SLC25A21: variants seen among roughly 807,000 people sequenced by gnomAD.
SLC25A21 encodes mitochondrial 2-oxodicarboxylate carrier.
In SLC25A21, 47 loss-of-function variants were observed where a neutral mutation model predicts 43.8. That is an observed-to-expected ratio of 1.07 (90% CI 0.85 to 1.37). The LOEUF is 1.37. Ranked by LOEUF, SLC25A21 falls within the 40% of genes most tolerant of loss-of-function variation. The probability of loss-of-function intolerance (pLI) is 0.00; values close to 1 mark genes in which losing one functional copy is unlikely to be tolerated. For synonymous variants in SLC25A21, 131 were observed against 121.3 expected (o/e 1.08, Z -0.52); for missense variants, 352 against 350.2 (o/e 1.00, Z -0.04).
At chr14:36,951,523 G>C (rs534157989) in intron 1 of SLC25A21, among the ~76,000 whole-genome samples, 11 of 152,178 alleles carry the variant, frequency 7.2e-5, no homozygotes, top group African/African-American at 2.6e-4. Context: ...AAAACAAATA[G>C]GGCCTCTCTT....
chr14:36,725,512 T>C, intron 6 of SLC25A21, 58 bp downstream of exon 6: 1 of 600,372 alleles, frequency 1.7e-6, no homozygotes, highest in South Asian at 4.4e-5. Context: ...AATAAATAAA[T>C]AAATAAATAA....
intron 1 of SLC25A21, among the ~76,000 whole-genome samples, chr14:37,052,006 A>AT (rs1961717982): frequency 6.6e-6 from 1 of 152,232 alleles, no homozygotes; most frequent in Non-Finnish European, 1.5e-5. Context: ...TGGAATTGAA[A>AT]TGCAGTGTGA....
chr14:37,109,261 T>C (rs755008160), intron 1 of SLC25A21, among the ~76,000 whole-genome samples: 2 of 152,116 alleles, frequency 1.3e-5, no homozygotes, highest in African/African-American at 2.4e-5. Flanking sequence ...TGCGTGATTC[T>C]ACCTTGCTTT....
chr14:37,033,468 A>G (rs1439648071), intron 1 of SLC25A21, among the ~76,000 whole-genome samples: 2 of 152,246 alleles, frequency 1.3e-5, no homozygotes, highest in Non-Finnish European at 2.9e-5. Context: ...TCAGCTAAGC[A>G]GCAATAATAA....
intron 3 of SLC25A21, among the ~76,000 whole-genome samples, chr14:36,805,347 G>A (rs1888001358): frequency 6.6e-6 from 1 of 152,180 alleles, no homozygotes; most frequent in South Asian, 2.1e-4. Context: ...GGTGATGACA[G>A]CAGGGAGATC....
Position 37,096,140 on chromosome 14 carries a change from T to C in SLC25A21, c.70+76141A>G, listed in dbSNP as rs76572897. Among the ~76,000 whole-genome samples, 2,427 of 152,250 alleles carry C rather than the reference T, an allele frequency of 0.016. 183 individuals carry two copies. In the East Asian group the frequency reaches 0.26, roughly 16 times the overall value. ...ATACCAACTAAATGCTATACATGAC[T>C]CTAGACTATATAACAGGTACAGAGA... On this transcript the variant is annotated intron_variant, in intron 1 of 9. Coordinates refer to ENST00000331299, the MANE Select transcript of SLC25A21 (RefSeq NM_030631.4).
At chr14:36,873,009 A>G (rs551877942) in intron 2 of SLC25A21, among the ~76,000 whole-genome samples, 1 of 152,336 alleles carries the variant, frequency 6.6e-6, no homozygotes, top group South Asian at 2.1e-4. Flanking sequence ...ATGAGTGACC[A>G]TAATTCTAAT....
chr14:37,099,036 C>A (rs1268767926), intron 1 of SLC25A21, among the ~76,000 whole-genome samples: 1 of 152,034 alleles, frequency 6.6e-6, no homozygotes, highest in African/African-American at 2.4e-5. Flanking sequence ...CCCCCGACCT[C>A]AAGTGATCCG....
At chr14:37,062,193 AT>A in intron 1 of SLC25A21, among the ~76,000 whole-genome samples, 1 of 152,232 alleles carries the variant, frequency 6.6e-6, no homozygotes. Flanking sequence ...AGCAAATCCA[AT>A]TGGTATAACT....
chr14:37,064,761 C>T (rs1450052920), intron 1 of SLC25A21, among the ~76,000 whole-genome samples: 1 of 152,154 alleles, frequency 6.6e-6, no homozygotes, highest in Non-Finnish European at 1.5e-5. Context: ...TATTTCACTT[C>T]CAGGTTGACA....
At chr14:37,077,597 T>C (rs1210468391) in intron 1 of SLC25A21, among the ~76,000 whole-genome samples, 2 of 152,142 alleles carry the variant, frequency 1.3e-5, no homozygotes, top group East Asian at 3.9e-4. Flanking sequence ...CTCAAAACAT[T>C]GTATCATTCT....
intron 1 of SLC25A21, among the ~76,000 whole-genome samples, chr14:37,033,757 G>C (rs1325139083): frequency 3.3e-5 from 5 of 152,104 alleles, no homozygotes; most frequent in Admixed American, 1.3e-4. Context: ...AGCTTGACTG[G>C]GAAGAGGGTA....
intron 1 of SLC25A21, among the ~76,000 whole-genome samples, chr14:36,958,946 G>A (rs1959415978): frequency 6.6e-6 from 1 of 152,202 alleles, no homozygotes; most frequent in African/African-American, 2.4e-5. Context: ...TGGTGAGACT[G>A]TGCATATTGA....
chr14:36,968,379 G>A (rs1021875885), intron 1 of SLC25A21, among the ~76,000 whole-genome samples: 9 of 152,020 alleles, frequency 5.9e-5, no homozygotes, highest in South Asian at 2.1e-4. Context: ...TGACAAGCCC[G>A]GCTTATTATT....
intron 1 of SLC25A21, among the ~76,000 whole-genome samples, chr14:37,127,029 T>C (rs1963309105): frequency 2.0e-5 from 3 of 152,162 alleles, no homozygotes; most frequent in Admixed American, 1.3e-4. Flanking sequence ...TACGTGGCTA[T>C]TGCTTGCCCA....
chr14:36,840,435 T>G (rs1445814002), intron 2 of SLC25A21, among the ~76,000 whole-genome samples: 2 of 152,200 alleles, frequency 1.3e-5, no homozygotes, highest in African/African-American at 2.4e-5. Flanking sequence ...GGAATTATCT[T>G]TTATCTACCA....
intron 2 of SLC25A21, among the ~76,000 whole-genome samples, chr14:36,865,180 G>C (rs955232805): frequency 6.6e-6 from 1 of 151,932 alleles, no homozygotes; most frequent in Non-Finnish European, 1.5e-5. Context: ...CCCTGCTAGA[G>C]GAGGCAGTGG....
chr14:37,072,059 G>A (rs772822865), intron 1 of SLC25A21, among the ~76,000 whole-genome samples: 4 of 151,462 alleles, frequency 2.6e-5, no homozygotes, highest in Non-Finnish European at 4.4e-5. Context: ...GCAGGCACCT[G>A]TAATCCCAGC....
intron 1 of SLC25A21, among the ~76,000 whole-genome samples, chr14:37,055,665 G>A (rs1170784268): frequency 1.3e-5 from 2 of 152,132 alleles, no homozygotes; most frequent in Admixed American, 6.5e-5. Context: ...GTCTAGCTGA[G>A]CCTAGTCTTT....
Sources: allele counts gnomAD v4.1 joint callset (sites outside exome capture counted in the v4.1 genomes callset), GRCh38; gene constraint gnomAD v4.1.1; transcripts MANE v1.5; gene names NCBI Gene and HGNC (gene_info 2026-07-23, HGNC 2026-07-21).